Variants in APH1A observed in about 807,000 individuals in gnomAD.
The protein encoded by APH1A is gamma-secretase subunit APH-1A.
APH1A carries 16 observed loss-of-function variants against 30.3 expected under a neutral mutation model. That is an observed-to-expected ratio of 0.53 (90% CI 0.36 to 0.80). The LOEUF is 0.80. APH1A is among the 30% of genes least tolerant of loss of function. APH1A has a pLI of 0.01. For missense variants in APH1A, 245 were observed against 337.8 expected (o/e 0.73, Z 2.15); for synonymous variants, 144 against 140.1 (o/e 1.03, Z -0.20).
At position 150,268,867 on chromosome 1, in the gene APH1A, G is replaced by A; in HGVS notation, c.-57C>T. ...TGACCAGGACAGGCAAATGGGAGGG[G>A]CGCGCCAGCTGGGGAGTCCGCGTGG... On this transcript the variant is annotated 5_prime_UTR_variant, in exon 1 of 7. Coordinates refer to ENST00000369109, the MANE Select transcript of APH1A (RefSeq NM_001077628.3). 2 of 1,504,334 alleles carry A rather than the reference G, an allele frequency of 1.3e-6. No homozygotes were observed. Among genetic ancestry groups the A allele is most frequent in the Non-Finnish European group, 1.8e-6 (2 of 1,100,744 alleles). The allele number at this position is 1,504,334 out of a possible 1,614,324, so 93.2% of individuals were successfully genotyped here.
intron 1 of APH1A, 177 bp downstream of exon 1, chr1:150,268,521 G>T: frequency 1.5e-6 from 1 of 654,834 alleles, no homozygotes; most frequent in Non-Finnish European, 2.6e-6. Context: ...TCCTTGGAAG[G>T]TGGAAACCAA....
chr1:150,266,405 G>T, intron 6 of APH1A, 128 bp downstream of exon 6: 5 of 1,536,018 alleles, frequency 3.3e-6, no homozygotes, highest in African/African-American at 1.4e-5. Context: ...TGGAGGTAGT[G>T]GGGTAGACCG....
intron 2 of APH1A, 83 bp downstream of exon 2, chr1:150,267,874 C>G: frequency 6.2e-7 from 1 of 1,612,720 alleles, no homozygotes; most frequent in Admixed American, 1.7e-5. Flanking sequence ...GCCTCCTCTT[C>G]CAAACCAGCA....
chr1:150,268,636 T>A, intron 1 of APH1A, 62 bp downstream of exon 1: 1 of 1,515,130 alleles, frequency 6.6e-7, no homozygotes, highest in South Asian at 1.2e-5. Flanking sequence ...CCCCAGTTCC[T>A]CCAGCCCCTT....
chr1:150,268,444 C>T, intron 1 of APH1A: 1 of 588,012 alleles, frequency 1.7e-6, no homozygotes, highest in Non-Finnish European at 3.0e-6. Context: ...AGCACAGCCC[C>T]CTCACGAGTC....
Position 150,267,163 on chromosome 1 carries a change from C to A in APH1A, c.521G>T (p.Trp174Leu). ...TAAIILLHTFWGVVFFDACER... is the reference protein window; with the variant it reads ...TAAIILLHTFLGVVFFDACER... ...ACAGGCATCAAAGAACACAACTCCCCAAAAGGTATGGAGCAGGATAATGGC... is the reference window on the plus strand; with the variant it reads ...ACAGGCATCAAAGAACACAACTCCCAAAAAGGTATGGAGCAGGATAATGGC... Residue 174 changes from tryptophan to leucine, a missense_variant, in exon 5 of 7, where the codon TGG becomes TTG. Trp to Leu is a moderately conservative substitution (Grantham distance 61). Transcript: ENST00000369109. The A allele has an allele frequency of 6.2e-7, 1 of 1,614,156 alleles. No homozygotes were observed. The highest frequency in any genetic ancestry group is 2.2e-5 in the East Asian group (1 of 44,892).
chr1:150,266,442 A>G (rs1651719377), intron 6 of APH1A, 91 bp downstream of exon 6: 1 of 1,586,876 alleles, frequency 6.3e-7, no homozygotes. Flanking sequence ...GAATGTGGGC[A>G]ATGGACCCGG....
At position 150,265,839 on chromosome 1, in the gene APH1A, C is replaced by T. The variant is rs200654934; in HGVS notation, c.*291G>A. 26 of 372,074 alleles carry T rather than the reference C, an allele frequency of 7.0e-5. No individual in the cohort carries two copies. The highest frequency in any genetic ancestry group is 1.2e-4 in the Non-Finnish European group (24 of 204,310). 23.0% of individuals were successfully genotyped at this position (372,074 alleles called of 1,614,324 possible). A position where few individuals can be genotyped will look rare whatever the true frequency, so the allele number is the denominator to read the frequency against. On this transcript the variant is annotated 3_prime_UTR_variant, in exon 7 of 7. Transcript: ENST00000369109. ...AGGTTAGAAGAGTTCCAATATACCT[C>T]CTCCCTCCCCCCACCTCAAAAAAGA...
chr1:150,267,947 A>G lies in APH1A; in HGVS notation c.284+10T>C. 1 of 1,613,992 alleles carries G rather than the reference A, an allele frequency of 6.2e-7. No individual in the cohort carries two copies. Among genetic ancestry groups the G allele is most frequent in the Non-Finnish European group, 8.5e-7 (1 of 1,179,950 alleles). Reference sequence around the variant, plus strand: ...GCCCCTCTCCCCTCCAGACCACTCCATCTTCTTACTTAAGCAGCTTGTAGT... The same window carrying G: ...GCCCCTCTCCCCTCCAGACCACTCCGTCTTCTTACTTAAGCAGCTTGTAGT... On this transcript the variant is annotated intron_variant, in intron 2 of 6. Coordinates refer to ENST00000369109, the MANE Select transcript of APH1A (RefSeq NM_001077628.3).
intron 1 of APH1A, 162 bp downstream of exon 1, chr1:150,268,536 G>A (rs1046433590): frequency 1.1e-4 from 76 of 687,654 alleles, no homozygotes; most frequent in Non-Finnish European, 1.5e-4. Flanking sequence ...AACCAACTGC[G>A]GGAAAGGACA....
chr1:150,266,883 A>G (rs1553850024), intron 5 of APH1A, 192 bp downstream of exon 5: 1 of 1,091,912 alleles, frequency 9.2e-7, no homozygotes, highest in Non-Finnish European at 1.3e-6. Context: ...TTACAGTTTG[A>G]CTAATCCTTT....
At position 150,267,322 on chromosome 1, in the gene APH1A, G is replaced by A. The variant is rs140561586; in HGVS notation, c.481+34C>T. ...AATCAGATCAGGGACAAGGATGGATGGGGGGTAAAGGCTAGATAGAAGGTG... is the reference window on the plus strand; with the variant it reads ...AATCAGATCAGGGACAAGGATGGATAGGGGGTAAAGGCTAGATAGAAGGTG... On this transcript the variant is annotated intron_variant, in intron 4 of 6. Transcript: ENST00000369109. The A allele has an allele frequency of 8.9e-4, 1,436 of 1,613,642 alleles. 6 individuals are homozygous for A. Among genetic ancestry groups the A allele is most frequent in the Middle Eastern group, 7.6e-3 (46 of 6,058 alleles).
intron 5 of APH1A, chr1:150,266,869 T>G: frequency 1.9e-6 from 2 of 1,045,910 alleles, no homozygotes; most frequent in South Asian, 3.4e-5. Flanking sequence ...TCAGGCCCTC[T>G]GCATTACAGT....
At chr1:150,266,416 AC>A in intron 6 of APH1A, 116 bp downstream of exon 6, 1 of 1,553,312 alleles carries the variant, frequency 6.4e-7, no homozygotes, top group South Asian at 1.2e-5. Flanking sequence ...GGGTAGACCG[AC>A]GAGAAGGAGA....
At chr1:150,267,332 G>C (rs1407350215) in intron 4 of APH1A, 24 bp downstream of exon 4, 9 of 1,613,954 alleles carry the variant, frequency 5.6e-6, no homozygotes, top group Non-Finnish European at 6.8e-6. Context: ...GGGGGGTAAA[G>C]GCTAGATAGA....
Position 150,268,942 on chromosome 1 carries a change from C to G in APH1A, c.-132G>C. ...GCGCGGTGCAATGTCACCCCCAGACCCCGGGGAAGGGGAAGGGGGGGAACC... is the reference window on the plus strand; with the variant it reads ...GCGCGGTGCAATGTCACCCCCAGACGCCGGGGAAGGGGAAGGGGGGGAACC... On this transcript the variant is annotated 5_prime_UTR_variant, in exon 1 of 7. Coordinates refer to ENST00000369109, the MANE Select transcript of APH1A (RefSeq NM_001077628.3). 1 of 721,582 alleles carries G rather than the reference C, an allele frequency of 1.4e-6. No homozygotes were observed. The highest frequency in any genetic ancestry group is 2.8e-5 in the East Asian group (1 of 36,164). 44.7% of individuals were successfully genotyped at this position (721,582 alleles called of 1,614,324 possible).
chr1:150,268,186 G>T, intron 1 of APH1A, 59 bp from the exon 2 acceptor site: 1 of 1,574,282 alleles, frequency 6.4e-7, no homozygotes, highest in Non-Finnish European at 8.6e-7. Flanking sequence ...AGAAATCAAG[G>T]AGGGAAACCA....
chr1:150,268,535 C>T (rs1651941277), intron 1 of APH1A, 163 bp downstream of exon 1: 3 of 684,142 alleles, frequency 4.4e-6, no homozygotes, highest in African/African-American at 1.8e-5. Context: ...AAACCAACTG[C>T]GGGAAAGGAC....
rs782458116 is a variant in APH1A at position 150,267,756 on chromosome 1, C to G, written c.318G>C (p.Glu106Asp). ...KADEGLASLS[E>D]DGRSPISIRQ... is the part of the protein sequence containing the mutation. ...GGATGGAGATGGGTGATCTTCCGTC[C>G]TCACTCAGCGATGCTAACCCCTCAT... The change falls in exon 3 of 7, where the codon GAG becomes GAC. Residue 106 changes from glutamate (E) to aspartate (D), a missense_variant. Transcript: ENST00000369109. 4 of 1,612,912 alleles carry G rather than the reference C, an allele frequency of 2.5e-6. No individual in the cohort carries two copies. Among genetic ancestry groups the G allele is most frequent in the East Asian group, 2.2e-5 (1 of 44,866 alleles).
Sources: allele counts gnomAD v4.1 joint callset, GRCh38; gene constraint gnomAD v4.1.1; transcripts MANE v1.5; gene names NCBI Gene and HGNC (gene_info 2026-07-23, HGNC 2026-07-21).